The following CSMD3 variants were observed in gnomAD, a reference collection of about 807,000 sequenced individuals.
CSMD3 encodes the protein CUB and Sushi multiple domains 3.
Under a neutral mutation model 435.2 loss-of-function variants are expected in CSMD3, and 177 were observed. The ratio of observed to expected loss-of-function variants is 0.41; its 90% CI spans 0.36 to 0.46. CSMD3 has a LOEUF of 0.46. Ranked by LOEUF, CSMD3 falls within the 20% of genes least tolerant of loss-of-function variation. The pLI is 0.34. For missense variants in CSMD3, 4,265 were observed against 4,504.6 expected (o/e 0.95, Z 1.52); for synonymous variants, 1,656 against 1,520.5 (o/e 1.09, Z -2.07).
intron 16 of CSMD3, among the ~76,000 whole-genome samples, chr8:112,680,476 T>C (rs966078902): frequency 6.6e-6 from 1 of 152,190 alleles, no homozygotes; most frequent in Non-Finnish European, 1.5e-5. Flanking sequence ...AAAAGAATGG[T>C]GGAAAAACTA....
chr8:112,362,247 T>C (rs1296100625), intron 38 of CSMD3, among the ~76,000 whole-genome samples: 1 of 152,018 alleles, frequency 6.6e-6, no homozygotes, highest in Non-Finnish European at 1.5e-5. Context: ...ATGTAACAAG[T>C]AACTTCATGA....
At chr8:112,427,570 T>G (rs1288691682) in intron 32 of CSMD3, among the ~76,000 whole-genome samples, 1 of 152,184 alleles carries the variant, frequency 6.6e-6, no homozygotes, top group East Asian at 1.9e-4. Flanking sequence ...CTTACATTTA[T>G]AAATTACCAA....
intron 11 of CSMD3, among the ~76,000 whole-genome samples, chr8:112,853,244 G>A (rs895855751): frequency 5.9e-5 from 9 of 151,268 alleles, no homozygotes; most frequent in Non-Finnish European, 1.2e-4. Context: ...TTTTTTCCTT[G>A]AGATGGAGTC....
intron 5 of CSMD3, among the ~76,000 whole-genome samples, chr8:113,056,866 A>C (rs534096546): frequency 9.2e-5 from 14 of 152,260 alleles, no homozygotes; most frequent in Admixed American, 2.6e-4. Context: ...ACTTGGAATG[A>C]AATTTTGACT....
intron 4 of CSMD3, among the ~76,000 whole-genome samples, chr8:113,173,251 G>T (rs572696401): frequency 6.6e-6 from 1 of 152,084 alleles, no homozygotes; most frequent in Non-Finnish European, 1.5e-5. Flanking sequence ...AGAGATACTA[G>T]TCAATACTAG....
chr8:112,478,329 G>C (rs1819276614), intron 31 of CSMD3, among the ~76,000 whole-genome samples: 1 of 152,152 alleles, frequency 6.6e-6, no homozygotes, highest in Non-Finnish European at 1.5e-5. Context: ...GGCCTCAGAA[G>C]ATAGAAAGAT....
At chr8:113,305,010 A>G (rs2093807645) in intron 2 of CSMD3, among the ~76,000 whole-genome samples, 1 of 151,040 alleles carries the variant, frequency 6.6e-6, no homozygotes, top group Non-Finnish European at 1.5e-5. Context: ...AGGGACATGG[A>G]TGAAATTGGA....
intron 2 of CSMD3, among the ~76,000 whole-genome samples, chr8:113,294,595 G>A (rs1444144862): frequency 6.6e-6 from 1 of 152,074 alleles, no homozygotes; most frequent in Non-Finnish European, 1.5e-5. Context: ...TAACGTGAAT[G>A]CTTAAAATTA....
intron 12 of CSMD3, among the ~76,000 whole-genome samples, chr8:112,811,003 C>T (rs777617528): frequency 6.6e-6 from 1 of 151,938 alleles, no homozygotes; most frequent in African/African-American, 2.4e-5. Flanking sequence ...CAAGAATCTG[C>T]TTGAACTATT....
At chr8:113,154,138 T>A (rs1356696798) in intron 4 of CSMD3, among the ~76,000 whole-genome samples, 1 of 152,048 alleles carries the variant, frequency 6.6e-6, no homozygotes, top group African/African-American at 2.4e-5. Context: ...AGAACAAATT[T>A]TATGTACAGA....
chr8:112,347,639 A>G (rs1825790228), intron 40 of CSMD3, among the ~76,000 whole-genome samples: 1 of 152,170 alleles, frequency 6.6e-6, no homozygotes. Context: ...CTAAAGATAT[A>G]CCCATATGCT....
At chr8:112,435,103 C>A (rs1586314083) in intron 32 of CSMD3, among the ~76,000 whole-genome samples, 1 of 152,106 alleles carries the variant, frequency 6.6e-6, no homozygotes, top group East Asian at 1.9e-4. Context: ...GAAAAGAAAC[C>A]ACAGACACTG....
intron 6 of CSMD3, among the ~76,000 whole-genome samples, chr8:113,012,958 C>T (rs2086310828): frequency 6.6e-6 from 1 of 151,800 alleles, no homozygotes; most frequent in South Asian, 2.1e-4. Flanking sequence ...ATATATGATT[C>T]CCTGTATTTT....
At chr8:112,805,303 G>A (rs546349130) in intron 12 of CSMD3, among the ~76,000 whole-genome samples, 60 of 152,238 alleles carry the variant, frequency 3.9e-4, no homozygotes, top group African/African-American at 1.3e-3. Flanking sequence ...ACACTGTGCT[G>A]GATAAGTGCC....
chr8:112,971,997 AGTT>A (rs2084675295), intron 7 of CSMD3, among the ~76,000 whole-genome samples: 1 of 152,070 alleles, frequency 6.6e-6, no homozygotes, highest in Non-Finnish European at 1.5e-5. Context: ...TTAATTTTAC[AGTT>A]GTTATTTAAA....
At chr8:112,753,047 C>A (rs2132112083) in intron 13 of CSMD3, among the ~76,000 whole-genome samples, 1 of 151,818 alleles carries the variant, frequency 6.6e-6, no homozygotes, top group Admixed American at 6.6e-5. Flanking sequence ...TGCCTCAGCC[C>A]CCTTAGTAGC....
chr8:112,702,967 G>T (rs2076421587), intron 13 of CSMD3, among the ~76,000 whole-genome samples: 1 of 152,090 alleles, frequency 6.6e-6, no homozygotes. Context: ...CAGTATGAAT[G>T]TGTCATTTGT....
At chr8:112,700,702 A>T (rs544089788) in intron 13 of CSMD3, among the ~76,000 whole-genome samples, 1 of 152,198 alleles carries the variant, frequency 6.6e-6, no homozygotes, top group Non-Finnish European at 1.5e-5. Context: ...AACCATGGTA[A>T]CAGTTGCCGT....
chr8:112,961,068 G>A (rs1363211371), intron 7 of CSMD3, among the ~76,000 whole-genome samples: 1 of 151,542 alleles, frequency 6.6e-6, no homozygotes, highest in East Asian at 1.9e-4. Context: ...TTACTATTGT[G>A]CTTAAATTAC....
Sources: gnomAD v4.1 joint callset for allele counts (sites outside exome capture counted in the v4.1 genomes callset) on GRCh38, gnomAD v4.1.1 for gene constraint, MANE v1.5 for transcripts, NCBI Gene and HGNC (gene_info 2026-07-23, HGNC 2026-07-21) for gene names.